DNAJC3: variants seen among roughly 807,000 people sequenced by gnomAD.
The protein encoded by DNAJC3 is DnaJ heat shock protein family (Hsp40) member C3.
Under a neutral mutation model 68.6 loss-of-function variants are expected in DNAJC3, and 38 were observed. That is an observed-to-expected ratio of 0.55 (90% CI 0.43 to 0.73). DNAJC3 has a LOEUF of 0.73. DNAJC3 is among the 30% of genes least tolerant of loss of function. The pLI, the probability that DNAJC3 is intolerant of heterozygous loss-of-function variation, is 0.00. For synonymous variants in DNAJC3, 203 were observed against 204.0 expected, an observed-to-expected ratio of 1.00 and a Z score of 0.04; for missense variants, 526 against 591.9, an observed-to-expected ratio of 0.89 and a Z score of 1.16.
intron 11 of DNAJC3, 103 bp downstream of exon 11, chr13:95,787,258 G>A (rs773544778): frequency 2.6e-5 from 37 of 1,436,730 alleles, no homozygotes; most frequent in East Asian, 7.0e-5. Context: ...AGGCAGTGAC[G>A]GGTCCTGAGC....
At chr13:95,764,811 C>T in intron 9 of DNAJC3, among the ~76,000 whole-genome samples, 1 of 146,650 alleles carries the variant, frequency 6.8e-6, no homozygotes, top group Admixed American at 6.9e-5. Context: ...ATGTTATGAA[C>T]ATTTAAATGA....
intron 4 of DNAJC3, chr13:95,742,993 C>T: frequency 4.9e-6 from 2 of 406,294 alleles, no homozygotes; most frequent in South Asian, 1.8e-5. Flanking sequence ...TTTGTTTTGC[C>T]TTTAGGTATC....
chr13:95,786,388 A>T (rs1689168602), intron 10 of DNAJC3, among the ~76,000 whole-genome samples: 1 of 152,172 alleles, frequency 6.6e-6, no homozygotes, highest in Admixed American at 6.5e-5. Flanking sequence ...GTGGGGATGG[A>T]GGAGGAGACG....
intron 4 of DNAJC3, among the ~76,000 whole-genome samples, chr13:95,732,346 T>G (rs577867816): frequency 5.3e-5 from 8 of 152,274 alleles, no homozygotes; most frequent in African/African-American, 1.9e-4. Context: ...ACTGATTTAA[T>G]CTTGTTACTG....
In DNAJC3 at chr13:95,763,694, C is replaced by A. The variant is rs1385811521; in HGVS notation, c.900C>A (p.Ser300Arg). ...KYESVMKTEP[S>R]IAEYTVRSKE... The stretch of plus-strand genomic sequence containing the variant: ...AATCTGTCATGAAAACAGAGCCAAG[C>A]ATTGCTGAATATACAGTTCGTTCAA... The change falls in exon 8 of 12, where the codon AGC (serine) becomes AGA (arginine). Residue 300 changes from serine to arginine, a missense_variant. Physicochemically the swap from Ser to Arg is moderately radical, Grantham distance 110 (BLOSUM62 -1). Transcript: ENST00000602402. 4 of 1,613,882 alleles carry A rather than the reference C, an allele frequency of 2.5e-6. No individual in the cohort carries two copies. The highest frequency in any genetic ancestry group is 3.4e-6 in the Non-Finnish European group (4 of 1,179,914).
At chr13:95,790,566 C>A (rs1217883002) in intron 11 of DNAJC3, among the ~76,000 whole-genome samples, 1 of 152,014 alleles carries the variant, frequency 6.6e-6, no homozygotes, top group African/African-American at 2.4e-5. Context: ...TTATTTTTTT[C>A]CAAATAATTT....
At position 95,697,807 on chromosome 13, in the gene DNAJC3, T is replaced by A. The variant is rs988808491; in HGVS notation, c.83-11420T>A. On this transcript the variant is annotated intron_variant, in intron 1 of 11. Transcript: ENST00000602402. The stretch of plus-strand genomic sequence containing the variant: ...AGAAGTTTTTTTTTTTTTTTTTTTT[T>A]AAAGACATCTGTCTCTTCCTTCATT... Among the ~76,000 whole-genome samples the A allele has an allele frequency of 1.5e-4, 21 of 136,598 alleles. No individual in the cohort carries two copies. The East Asian group carries it at 3.7e-3, about 24-fold the overall frequency. 89.6% of individuals were successfully genotyped at this position (136,598 alleles called of 152,430 possible).
rs1008099047 is a variant in DNAJC3, at chr13:95,757,385, A to G, written c.394-259A>G. Among the ~76,000 whole-genome samples, 6 of 152,176 alleles carry G rather than the reference A, an allele frequency of 3.9e-5. 1 individual carries two copies. The highest frequency in any genetic ancestry group is 4.1e-4 in the South Asian group (2 of 4,838). ...CTTCTCTGTCCTTTCACGTGCCTAC[A>G]TGTATTTGCTTCCCGGTAAGTTTTT... On this transcript the variant is annotated intron_variant, in intron 4 of 11. Coordinates refer to ENST00000602402, the MANE Select transcript of DNAJC3 (RefSeq NM_006260.5).
intron 1 of DNAJC3, among the ~76,000 whole-genome samples, chr13:95,707,617 A>G (rs908765541): frequency 2.6e-5 from 4 of 152,168 alleles, no homozygotes; most frequent in Non-Finnish European, 5.9e-5. Flanking sequence ...TGCTCCCAAT[A>G]CCAATTGTGT....
At chr13:95,682,238 G>A (rs1229750301) in intron 1 of DNAJC3, among the ~76,000 whole-genome samples, 1 of 152,130 alleles carries the variant, frequency 6.6e-6, no homozygotes. Context: ...CACCTTGCTA[G>A]AGTCTTGGCT....
chr13:95,761,133 C>T (rs887821324), intron 7 of DNAJC3, among the ~76,000 whole-genome samples: 1 of 151,786 alleles, frequency 6.6e-6, no homozygotes, highest in African/African-American at 2.4e-5. Context: ...GCGTGGGAGA[C>T]AAATATATGA....
chr13:95,679,642 A>G (rs562072544), intron 1 of DNAJC3, among the ~76,000 whole-genome samples: 2 of 152,186 alleles, frequency 1.3e-5, no homozygotes, highest in African/African-American at 4.8e-5. Context: ...GTGTTGTATT[A>G]AGGATTTTTG....
intron 9 of DNAJC3, among the ~76,000 whole-genome samples, chr13:95,766,328 T>C (rs935579541): frequency 2.1e-4 from 32 of 152,224 alleles, no homozygotes; most frequent in African/African-American, 7.5e-4. Flanking sequence ...AAGACTGTTA[T>C]TTGAGGATGC....
At chr13:95,774,139 T>G (rs1225358328) in intron 9 of DNAJC3, among the ~76,000 whole-genome samples, 2 of 152,238 alleles carry the variant, frequency 1.3e-5, no homozygotes, top group Non-Finnish European at 2.9e-5. Context: ...AGACTTACTT[T>G]GGTTGTACCT....
intron 9 of DNAJC3, among the ~76,000 whole-genome samples, chr13:95,775,694 T>C (rs1221306628): frequency 1.3e-5 from 2 of 152,164 alleles, no homozygotes; most frequent in African/African-American, 4.8e-5. Context: ...AGCCATTTAG[T>C]AGATTAATGT....
At chr13:95,684,590 T>A (rs963879755) in intron 1 of DNAJC3, among the ~76,000 whole-genome samples, 1 of 152,100 alleles carries the variant, frequency 6.6e-6, no homozygotes, top group African/African-American at 2.4e-5. Context: ...TTTGCATAAG[T>A]AAAGAGGAGC....
chr13:95,764,132 T>TTCC (rs1882903238), intron 9 of DNAJC3, among the ~76,000 whole-genome samples, 179 bp downstream of exon 9: 1 of 152,062 alleles, frequency 6.6e-6, no homozygotes, highest in South Asian at 2.1e-4. Flanking sequence ...AGGTATACCA[T>TTCC]GTGAGGAAAG....
intron 4 of DNAJC3, among the ~76,000 whole-genome samples, chr13:95,755,965 C>T (rs915823604): frequency 1.3e-5 from 2 of 152,072 alleles, no homozygotes; most frequent in Non-Finnish European, 2.9e-5. Flanking sequence ...CCTGAGCTCA[C>T]TCCCTCTTTC....
rs1187319506 is a variant in DNAJC3, at chr13:95,785,239, G to A, written c.1076-700G>A. ...TTGTCAATCCATAGCTGACCAGGCC[G>A]ATTTTCTTTATCACTGTCTTTCTTT... On this transcript the variant is annotated intron_variant, in intron 9 of 11. Transcript: ENST00000602402. Among the ~76,000 whole-genome samples the A allele has an allele frequency of 2.0e-5, 3 of 151,908 alleles. No individual in the cohort carries two copies. The Middle Eastern group carries it at 0.01, about 520-fold the overall frequency.
Sources: gnomAD v4.1 joint callset for allele counts (sites outside exome capture counted in the v4.1 genomes callset) on GRCh38, gnomAD v4.1.1 for gene constraint, MANE v1.5 for transcripts, NCBI Gene and HGNC (gene_info 2026-07-23, HGNC 2026-07-21) for gene names.